The following SV2C variants were observed in gnomAD, a reference collection of about 807,000 sequenced individuals.
The protein encoded by SV2C is solute carrier family 22 member B3.
In SV2C, 49 loss-of-function variants were observed where a neutral mutation model predicts 79.7. The ratio of observed to expected loss-of-function variants is 0.61; its 90% CI spans 0.49 to 0.78. The LOEUF (loss-of-function observed/expected upper bound fraction) is 0.78, where lower values mean the gene tolerates loss of function less well. Ranked by LOEUF, SV2C falls within the 30% of genes least tolerant of loss-of-function variation. The probability of loss-of-function intolerance (pLI) is 0.00; values close to 1 mark genes in which losing one functional copy is unlikely to be tolerated. For missense variants in SV2C, 833 were observed against 912.9 expected, an observed-to-expected ratio of 0.91 and a Z score of 1.13; for synonymous variants, 334 against 333.2, an observed-to-expected ratio of 1.00 and a Z score of -0.03.
At chr5:76,034,975 G>A in the SV2C span, among the ~76,000 whole-genome samples, 2 of 152,152 alleles carry the variant, frequency 1.3e-5, no homozygotes, top group African/African-American at 2.4e-5. Flanking sequence ...GTTTAGTCTT[G>A]GGAGAGTGTA....
At chr5:76,154,872 G>A (rs549890467) in intron 2 of SV2C, among the ~76,000 whole-genome samples, 2 of 152,242 alleles carry the variant, frequency 1.3e-5, no homozygotes, top group African/African-American at 2.4e-5. Context: ...TCCAAAGAGG[G>A]TTTTGGGACT....
chr5:76,088,422 G>C (rs1747268537), intron 1 of SV2C, among the ~76,000 whole-genome samples: 1 of 152,142 alleles, frequency 6.6e-6, no homozygotes, highest in Non-Finnish European at 1.5e-5. Flanking sequence ...AATTCTGGAG[G>C]CTGGAAATTC....
the SV2C span, among the ~76,000 whole-genome samples, chr5:75,969,048 AC>A: frequency 3.9e-5 from 6 of 152,202 alleles, no homozygotes; most frequent in African/African-American, 9.7e-5. Flanking sequence ...AGAATTTTCA[AC>A]CCAGAATTTC....
At chr5:75,933,438 T>G in the SV2C span, among the ~76,000 whole-genome samples, 1 of 152,184 alleles carries the variant, frequency 6.6e-6, no homozygotes, top group African/African-American at 2.4e-5. Context: ...CTAGTTGATA[T>G]TCAATAAATA....
At chr5:75,914,902 T>TA in the SV2C span, among the ~76,000 whole-genome samples, 1 of 152,178 alleles carries the variant, frequency 6.6e-6, no homozygotes, top group Non-Finnish European at 1.5e-5. Flanking sequence ...TTAATGGACT[T>TA]ACAGTTCCAC....
intron 4 of SV2C, among the ~76,000 whole-genome samples, chr5:76,283,678 A>C (rs55837873): frequency 0.011 from 1,677 of 152,332 alleles, 11 homozygotes; most frequent in Non-Finnish European, 0.018. Context: ...TGATATAATT[A>C]ATATGGTAAT....
chr5:76,170,224 A>G (rs1743180586), intron 2 of SV2C, among the ~76,000 whole-genome samples: 1 of 142,576 alleles, frequency 7.0e-6, no homozygotes, highest in Non-Finnish European at 1.5e-5. Context: ...ACATCCAAAC[A>G]TTAATGCATA....
chr5:76,127,160 TGAG>T (rs540314551), intron 1 of SV2C, among the ~76,000 whole-genome samples: 1 of 152,108 alleles, frequency 6.6e-6, no homozygotes, highest in Non-Finnish European at 1.5e-5. Flanking sequence ...ATGGTGGTGA[TGAG>T]GAGTAAAGCA....
At chr5:76,218,109 C>A (rs915273433) in intron 4 of SV2C, among the ~76,000 whole-genome samples, 1 of 152,168 alleles carries the variant, frequency 6.6e-6, no homozygotes, top group Non-Finnish European at 1.5e-5. Context: ...AGAGGGAAGG[C>A]CCTACTTCCA....
upstream of SV2C, chr5:76,083,231 C>T (rs1747051041): frequency 6.6e-6 from 1 of 152,534 alleles, no homozygotes; most frequent in Non-Finnish European, 1.5e-5. Context: ...GCCGTGACTC[C>T]CTGCGCACCG....
At chr5:76,245,909 G>GGA in intron 4 of SV2C, among the ~76,000 whole-genome samples, 1 of 97,788 alleles carries the variant, frequency 1.0e-5, no homozygotes, top group African/African-American at 4.2e-5. Context: ...TTGAGGCAGG[G>GGA]GAGTGTGTGT....
intron 4 of SV2C, among the ~76,000 whole-genome samples, chr5:76,264,858 T>G (rs150819561): frequency 0.012 from 1,818 of 152,302 alleles, 30 homozygotes; most frequent in African/African-American, 0.042. Flanking sequence ...TTCTCCTGTA[T>G]GAGGTGTCTG....
the SV2C span, among the ~76,000 whole-genome samples, chr5:75,944,907 G>C: frequency 1.3e-5 from 2 of 152,064 alleles, no homozygotes; most frequent in Admixed American, 1.3e-4. Context: ...AAGATGGACT[G>C]TCTTGGCTAA....
chr5:76,281,877 A>C (rs897052397), intron 4 of SV2C, among the ~76,000 whole-genome samples: 1 of 152,224 alleles, frequency 6.6e-6, no homozygotes, highest in African/African-American at 2.4e-5. Context: ...AATATAAAAT[A>C]ATCTCTTTGT....
At chr5:76,097,806 A>AT (rs1747613800) in intron 1 of SV2C, among the ~76,000 whole-genome samples, 1 of 152,182 alleles carries the variant, frequency 6.6e-6, no homozygotes. Context: ...TTCTATCTTA[A>AT]TATTGTGTCT....
At chr5:76,057,204 C>T in the SV2C span, among the ~76,000 whole-genome samples, 1 of 152,090 alleles carries the variant, frequency 6.6e-6, no homozygotes. Context: ...TCTTTGTTCT[C>T]ATTGGTTTCA....
intron 1 of SV2C, among the ~76,000 whole-genome samples, chr5:76,120,355 C>A (rs985879803): frequency 2.1e-5 from 3 of 143,386 alleles, no homozygotes; most frequent in Non-Finnish European, 4.6e-5. Context: ...TTCTTTTTTT[C>A]TTTTTCTCTT....
chr5:76,350,101 T>A (rs957539453), intron 12 of SV2C, among the ~76,000 whole-genome samples: 1 of 152,188 alleles, frequency 6.6e-6, no homozygotes, highest in African/African-American at 2.4e-5. Flanking sequence ...TTTTGTGCAC[T>A]GTATGTTTAA....
the SV2C span, among the ~76,000 whole-genome samples, chr5:76,021,376 T>C: frequency 6.3e-4 from 96 of 152,350 alleles, no homozygotes; most frequent in African/African-American, 2.3e-3. Flanking sequence ...AAAAACTATT[T>C]GGACAAAACA....
Sources: gnomAD v4.1 joint callset for allele counts (sites outside exome capture counted in the v4.1 genomes callset) on GRCh38, gnomAD v4.1.1 for gene constraint, MANE v1.5 for transcripts, NCBI Gene and HGNC (gene_info 2026-07-23, HGNC 2026-07-21) for gene names.